PRR5L: variants seen among roughly 807,000 people sequenced by gnomAD.
The protein encoded by PRR5L is proline-rich protein 5-like.
In PRR5L, 21 loss-of-function variants were observed where a neutral mutation model predicts 36.4. The observed-to-expected ratio is 0.58, with a 90% CI of 0.41 to 0.83. PRR5L has a LOEUF of 0.83. Ranked by LOEUF, PRR5L falls within the 40% of genes least tolerant of loss-of-function variation. PRR5L has a pLI of 0.00. For missense variants in PRR5L, 381 were observed against 473.3 expected (o/e 0.80, Z 1.81); for synonymous variants, 188 against 197.0 (o/e 0.95, Z 0.38).
intron 1 of PRR5L, among the ~76,000 whole-genome samples, chr11:36,346,439 C>T (rs1364137405): frequency 6.6e-6 from 1 of 152,028 alleles, no homozygotes; most frequent in African/African-American, 2.4e-5. Flanking sequence ...AAAAATTAGC[C>T]GGGCGTGGTG....
At chr11:36,324,153 G>A (rs376594325) in intron 1 of PRR5L, among the ~76,000 whole-genome samples, 2 of 152,146 alleles carry the variant, frequency 1.3e-5, no homozygotes, top group East Asian at 1.9e-4. Context: ...AAATGCCTCA[G>A]TAACAAGATA....
intron 1 of PRR5L, among the ~76,000 whole-genome samples, chr11:36,388,506 C>T (rs1224977229): frequency 6.6e-6 from 1 of 152,126 alleles, no homozygotes; most frequent in African/African-American, 2.4e-5. Flanking sequence ...CCTACTGTGT[C>T]GCTGCTACCC....
intron 1 of PRR5L, among the ~76,000 whole-genome samples, chr11:36,346,449 G>T (rs1403722309): frequency 6.6e-6 from 1 of 152,118 alleles, no homozygotes; most frequent in Admixed American, 6.6e-5. Context: ...CGGGCGTGGT[G>T]GCAGGAGTCT....
intron 1 of PRR5L, among the ~76,000 whole-genome samples, chr11:36,300,497 T>A (rs1223037592): frequency 1.3e-5 from 2 of 152,104 alleles, no homozygotes; most frequent in African/African-American, 4.8e-5. Context: ...CATTTCAACA[T>A]GAGATTTAGA....
At chr11:36,451,662 C>T (rs1858947936) in intron 8 of PRR5L, among the ~76,000 whole-genome samples, 1 of 152,216 alleles carries the variant, frequency 6.6e-6, no homozygotes, top group Non-Finnish European at 1.5e-5. Flanking sequence ...CTGTATCTGA[C>T]ACCAGAAACT....
At chr11:36,447,820 G>C (rs755143627) in intron 7 of PRR5L, among the ~76,000 whole-genome samples, 11 of 152,168 alleles carry the variant, frequency 7.2e-5, no homozygotes, top group Non-Finnish European at 1.2e-4. Flanking sequence ...GGAATGCCAG[G>C]TCAAGTATTT....
intron 3 of PRR5L, among the ~76,000 whole-genome samples, chr11:36,409,508 G>C (rs573637944): frequency 6.6e-6 from 1 of 152,242 alleles, no homozygotes; most frequent in East Asian, 1.9e-4. Context: ...GAGTCAGTTG[G>C]TTGCCTGAAA....
At chr11:36,437,689 G>T (rs1277728186) in intron 6 of PRR5L, among the ~76,000 whole-genome samples, 1 of 152,164 alleles carries the variant, frequency 6.6e-6, no homozygotes. Flanking sequence ...CTAGCAATTT[G>T]TAGGCTCTTG....
chr11:36,353,641 T>G (rs1211929459), intron 1 of PRR5L, among the ~76,000 whole-genome samples: 1 of 152,148 alleles, frequency 6.6e-6, no homozygotes, highest in Non-Finnish European at 1.5e-5. Flanking sequence ...CTGTTCCACC[T>G]CAGAACATCA....
At chr11:36,340,990 C>T (rs905481803) in intron 1 of PRR5L, among the ~76,000 whole-genome samples, 1 of 152,162 alleles carries the variant, frequency 6.6e-6, no homozygotes, top group African/African-American at 2.4e-5. Flanking sequence ...ATTAAGCCTC[C>T]GTCCAACTCT....
At chr11:36,325,215 G>A (rs1856648662) in intron 1 of PRR5L, among the ~76,000 whole-genome samples, 1 of 152,208 alleles carries the variant, frequency 6.6e-6, no homozygotes, top group African/African-American at 2.4e-5. Flanking sequence ...GCTCGATTAC[G>A]ACCAACCCGG....
intron 4 of PRR5L, among the ~76,000 whole-genome samples, chr11:36,430,713 G>T (rs1858475257): frequency 6.6e-6 from 1 of 152,180 alleles, no homozygotes; most frequent in Non-Finnish European, 1.5e-5. Flanking sequence ...TGTTTATAAT[G>T]ATTATAATGA....
intron 2 of PRR5L, among the ~76,000 whole-genome samples, chr11:36,401,572 A>C (rs1415233528): frequency 3.3e-5 from 5 of 152,028 alleles, no homozygotes. Context: ...CTACAGGCAC[A>C]TGCCACCACA....
intron 1 of PRR5L, among the ~76,000 whole-genome samples, chr11:36,367,377 G>A (rs1333434010): frequency 6.6e-6 from 1 of 152,152 alleles, no homozygotes; most frequent in African/African-American, 2.4e-5. Flanking sequence ...ACTAAAAAAT[G>A]TATTACAATG....
In PRR5L at chr11:36,460,824, C is replaced by A. The variant is rs147638395; in HGVS notation, c.713-1518C>A. ...GTGCTTCCATCTGCCTGCCGGGGCA[C>A]CTCTCCTGGAGTCTGTTCCAGCCAG... On this transcript the variant is annotated intron_variant, in intron 8 of 8. Transcript: ENST00000530639. 6.2e-3 allele frequency among the ~76,000 whole-genome samples: 938 copies of A among 152,354 alleles called. 13 individuals are homozygous for A. Among genetic ancestry groups the A allele is most frequent in the Middle Eastern group, 0.048 (14 of 294 alleles).
intron 3 of PRR5L, among the ~76,000 whole-genome samples, chr11:36,407,941 C>T (rs1316333085): frequency 6.6e-6 from 1 of 152,166 alleles, no homozygotes; most frequent in Non-Finnish European, 1.5e-5. Context: ...TTCTAAAACA[C>T]AGTATTGGAT....
chr11:36,423,214 C>T (rs1219366709), intron 4 of PRR5L, among the ~76,000 whole-genome samples: 1 of 152,018 alleles, frequency 6.6e-6, no homozygotes, highest in African/African-American at 2.4e-5. Context: ...TCATGGATAC[C>T]TGGTAATGTG....
Position 36,304,920 on chromosome 11 carries a change from G to A in PRR5L, c.-126+8482G>A, listed in dbSNP as rs910182610. ...GGAGAAATTGGAATCCTCATGTGCT[G>A]CTGGTGGGAATATAAAATGATGCAG... On this transcript the variant is annotated intron_variant, in intron 1 of 8. Transcript: ENST00000530639. 2.6e-5 allele frequency among the ~76,000 whole-genome samples: 4 copies of A among 152,168 alleles called. No homozygotes were observed. In the South Asian group the frequency reaches 8.3e-4, roughly 31 times the overall value.
chr11:36,308,023 G>GGTGAATGGAATTCCCTCTCAGTCTGTCCC (rs1270000025), intron 1 of PRR5L, among the ~76,000 whole-genome samples: 1 of 152,212 alleles, frequency 6.6e-6, no homozygotes, highest in Non-Finnish European at 1.5e-5. Context: ...TCATTGGCAA[G>GGTGAATGGAATTCCCTCTCAGTCTGTCCC]GTGAATGGAA....
Sources: allele counts gnomAD v4.1 joint callset (sites outside exome capture counted in the v4.1 genomes callset), GRCh38; gene constraint gnomAD v4.1.1; transcripts MANE v1.5; gene names NCBI Gene and HGNC (gene_info 2026-07-23, HGNC 2026-07-21).